Variants in EVPL observed in about 807,000 individuals in gnomAD.
The protein encoded by EVPL is envoplakin.
Under a neutral mutation model 129.7 loss-of-function variants are expected in EVPL, and 94 were observed. The observed-to-expected ratio is 0.72, with a 90% CI of 0.61 to 0.86. EVPL has a LOEUF of 0.86. Among genes scored for constraint, EVPL ranks in the 40% least tolerant of loss-of-function variants. EVPL has a pLI of 0.00. For missense variants in EVPL, 2,625 were observed against 2,721.1 expected, an observed-to-expected ratio of 0.96 and a Z score of 0.79; for synonymous variants, 1,172 against 1,191.1, an observed-to-expected ratio of 0.98 and a Z score of 0.33.
intron 18 of EVPL, chr17:76,012,353 T>C: frequency 2.5e-6 from 1 of 399,272 alleles, no homozygotes; most frequent in Non-Finnish European, 4.5e-6. Flanking sequence ...GTCACCCAGG[T>C]TGGAGTGCGT....
chr17:76,012,284 G>T, intron 18 of EVPL, 195 bp from the exon 19 acceptor site: 1 of 539,872 alleles, frequency 1.9e-6, no homozygotes, highest in Non-Finnish European at 3.3e-6. Context: ...CCTCTCCGAG[G>T]CACCTTGGCA....
At chr17:76,026,035 G>A (rs1390865736) in intron 1 of EVPL, among the ~76,000 whole-genome samples, 2 of 152,174 alleles carry the variant, frequency 1.3e-5, no homozygotes, top group Admixed American at 1.3e-4. Context: ...TCGACTTCCC[G>A]GGCTCAAGTG....
rs2144417211 is a variant in EVPL at position 76,015,295 on chromosome 17, T to A, written c.1960A>T (p.Thr654Ser). ...ADRVIRGFEA[T>S]LVQEAPIPAE... ...GGGATGGGGGCCTCCTGCACCAGGG[T>A]GGCCTCGAAGCCTCGGATGACCCTG... The change falls in exon 16 of 22, where the codon ACC (threonine) becomes TCC (serine). Residue 654 changes from threonine to serine, a missense_variant. By Grantham distance (58) the Thr-to-Ser change is moderately conservative. This residue lies in a region of EVPL where 1,024 missense variants were observed against 997.5 expected (regional missense o/e 1.03). Transcript: ENST00000301607. 4 of 1,602,314 alleles carry A rather than the reference T, an allele frequency of 2.5e-6. No homozygotes were observed. The highest frequency in any genetic ancestry group is 4.5e-5 in the East Asian group (2 of 44,666).
Position 76,024,888 on chromosome 17 carries a change from A to G in EVPL, c.99-768T>C, listed in dbSNP as rs2066488459. On this transcript the variant is annotated intron_variant, in intron 1 of 21. Coordinates refer to ENST00000301607, the MANE Select transcript of EVPL (RefSeq NM_001988.4). This position sits in a 1 kb window ranked among gnomAD's most constrained non-coding sequence, Gnocchi z 4.5. The stretch of plus-strand genomic sequence containing the variant: ...ATGCACTCACTGTGCGGAGGTCACA[A>G]GGTCAAGCAGACCTAAAAGAGGGCA... Among the ~76,000 whole-genome samples, 1 of 152,176 alleles carries G rather than the reference A, an allele frequency of 6.6e-6. No individual in the cohort carries two copies. Among genetic ancestry groups the G allele is most frequent in the Non-Finnish European group, 1.5e-5 (1 of 68,020 alleles).
At position 76,018,375 on chromosome 17, in the gene EVPL, T is replaced by C. The variant is rs531530306; in HGVS notation, c.1439+71A>G. On this transcript the variant is annotated intron_variant, in intron 12 of 21. Coordinates refer to ENST00000301607, the MANE Select transcript of EVPL (RefSeq NM_001988.4). ...CTTTGAGCAGGGGTCTGTTGGGCCA[T>C]GGGCTTGGACACCGCAGGGCCGGCC... 1.4e-5 allele frequency: 21 copies of C among 1,540,034 alleles called. No individual in the cohort carries two copies. The East Asian group carries it at 2.9e-4, about 21-fold the overall frequency.
chr17:76,014,618 C>G, intron 17 of EVPL, 42 bp from the exon 18 acceptor site: 5 of 1,594,794 alleles, frequency 3.1e-6, no homozygotes, highest in Non-Finnish European at 4.3e-6. Context: ...AGACCTGCCC[C>G]GTGGGGACAG....
Position 76,009,520 on chromosome 17 carries a change from T to G in EVPL, c.3685A>C (p.Lys1229Gln). The G allele has an allele frequency of 6.2e-7, 1 of 1,613,884 alleles. No individual in the cohort carries two copies. The highest frequency in any genetic ancestry group is 8.5e-7 in the Non-Finnish European group (1 of 1,179,982). The change falls in exon 22 of 22, where the codon AAG becomes CAG. Residue 1229 changes from lysine to glutamine, a missense_variant. Lys to Gln is a moderately conservative substitution (Grantham distance 53). This residue lies in a region of EVPL where 1,453 missense variants were observed against 1,511.8 expected (regional missense o/e 0.96). Transcript: ENST00000301607. This position sits in a 1 kb window ranked among gnomAD's most constrained non-coding sequence, Gnocchi z 5.9. Reference sequence around the variant, plus strand: ...TCGGGCAGCAGCTTCTCCACCTCCTTCTCCACACCGCTCCTCTTGCCCGCC... The same window carrying G: ...TCGGGCAGCAGCTTCTCCACCTCCTGCTCCACACCGCTCCTCTTGCCCGCC... The part of the protein sequence containing the change: ...EMAGKRSGVE[K>Q]EVEKLLPDLE...
intron 21 of EVPL, 110 bp downstream of exon 21, chr17:76,011,464 GGA>G: frequency 1.1e-6 from 1 of 951,314 alleles, no homozygotes; most frequent in Non-Finnish European, 1.7e-6. Context: ...CAGGCAGGAG[GGA>G]GAGGAGGGAA....
rs1300851593 is a variant in EVPL at position 76,023,554 on chromosome 17, T to C, written c.299A>G (p.Asp100Gly). ...CTTGAGCCGCCGGGCCTTGTCCACG[T>C]CCAGGAAGAGGTCCTTGAGCAGCAC... ...AEVLLKDLFL[D>G]VDKARRLKHP... Residue 100 changes from aspartate (D) to glycine (G), a missense_variant, in exon 3 of 22, where the codon GAC becomes GGC. By Grantham distance (94) the Asp-to-Gly change is moderately conservative (BLOSUM62 -1). Coordinates refer to ENST00000301607, the MANE Select transcript of EVPL (RefSeq NM_001988.4). The C allele has an allele frequency of 1.2e-6, 2 of 1,613,188 alleles. No homozygotes were observed. Among genetic ancestry groups the C allele is most frequent in the Non-Finnish European group, 1.7e-6 (2 of 1,179,962 alleles).
intron 12 of EVPL, 60 bp from the exon 13 acceptor site, chr17:76,018,318 C>T (rs1285846980): frequency 2.0e-6 from 3 of 1,516,854 alleles, no homozygotes; most frequent in African/African-American, 2.8e-5. Flanking sequence ...CCTCCCCAGC[C>T]CCAGTAGACG....
chr17:76,025,244 C>T (rs1292394280), intron 1 of EVPL, among the ~76,000 whole-genome samples: 1 of 152,220 alleles, frequency 6.6e-6, no homozygotes, highest in African/African-American at 2.4e-5. Context: ...CCAGTGCAGG[C>T]CTGGTGCAGG....
At position 76,022,157 on chromosome 17, in the gene EVPL, A is replaced by G. The variant is rs773573598; in HGVS notation, c.645+32T>C. ...CGGGCGGCCACCCAGGCCCACCCGC[A>G]GCCTCCCTGCCCGACCCTCCCTCCT... On this transcript the variant is annotated intron_variant, in intron 6 of 21. Coordinates refer to ENST00000301607, the MANE Select transcript of EVPL (RefSeq NM_001988.4). The surrounding 1 kb of genome is among the most constrained non-coding windows in gnomAD (Gnocchi z 5.6). 6.2e-7 allele frequency: 1 copy of G among 1,610,224 alleles called. No individual in the cohort carries two copies. Among genetic ancestry groups the G allele is most frequent in the Non-Finnish European group, 8.5e-7 (1 of 1,179,018 alleles).
In EVPL at chr17:76,010,451, C is replaced by A. The variant is rs372570634; in HGVS notation, c.2754G>T (p.Lys918Asn). 6.2e-7 allele frequency: 1 copy of A among 1,613,968 alleles called. No individual in the cohort carries two copies. The highest frequency in any genetic ancestry group is 1.3e-5 in the African/African-American group (1 of 74,898). ...AQAGRESEAL[K>N]AQLEEERKRV... ...GCTTCCTCTCCTCTTCCAGCTGGGC[C>A]TTCAGGGCCTCTGACTCTCTCCCTG... Residue 918 changes from lysine (K) to asparagine (N), a missense_variant, in exon 22 of 22, where the codon AAG (lysine) becomes AAT (asparagine). Around this residue, in one of 4 missense-constraint regions of EVPL, gnomAD observed 1,453 missense variants for 1,511.8 expected, o/e 0.96. Transcript: ENST00000301607.
At position 76,007,975 on chromosome 17, in the gene EVPL, C is replaced by A; in HGVS notation, c.5230G>T (p.Gly1744Trp). 3 of 1,614,080 alleles carry A rather than the reference C, an allele frequency of 1.9e-6. No homozygotes were observed. The highest frequency in any genetic ancestry group is 1.3e-5 in the African/African-American group (1 of 75,038). ...GCGGCCTCGATGGAGTACTGCTTCC[C>A]GCTCTTGCGGTCCAGGAGCACAGAC... ...EESVLLDRKS[G>W]KQYSIEAALR... The change falls in exon 22 of 22, where the codon GGG (glycine) becomes TGG (tryptophan). Residue 1744 changes from glycine (G) to tryptophan (W), a missense_variant. Around this residue, in one of 4 missense-constraint regions of EVPL, gnomAD observed 1,453 missense variants for 1,511.8 expected, o/e 0.96. Coordinates refer to ENST00000301607, the MANE Select transcript of EVPL (RefSeq NM_001988.4). This position sits in a 1 kb window ranked among gnomAD's most constrained non-coding sequence, Gnocchi z 8.8.
chr17:76,021,598 C>CCG, intron 8 of EVPL, 35 bp from the exon 9 acceptor site: 2 of 1,464,718 alleles, frequency 1.4e-6, no homozygotes, highest in Non-Finnish European at 1.8e-6. Context: ...CGGACCACGC[C>CCG]CCCCCCACGT....
chr17:76,023,793 G>A, intron 2 of EVPL, 139 bp from the exon 3 acceptor site: 1 of 1,395,268 alleles, frequency 7.2e-7, no homozygotes, highest in Non-Finnish European at 9.5e-7. Context: ...CACAGGGTCA[G>A]GACCAGGGCG....
At chr17:76,018,036 G>T in intron 13 of EVPL, 125 bp from the exon 14 acceptor site, 1 of 1,532,836 alleles carries the variant, frequency 6.5e-7, no homozygotes, top group Non-Finnish European at 8.8e-7. Context: ...GGCCACCCCA[G>T]AGATGAAATC....
intron 13 of EVPL, 89 bp from the exon 14 acceptor site, chr17:76,018,000 C>T (rs1329618939): frequency 7.6e-6 from 12 of 1,576,686 alleles, no homozygotes; most frequent in African/African-American, 5.4e-5. Flanking sequence ...AGGGTCCTGT[C>T]GGGGTAGGGT....
In EVPL at chr17:76,018,968, G is replaced by A. The variant is rs1276536665; in HGVS notation, c.1230C>T (p.Asn410=). The A allele has an allele frequency of 4.5e-6, 7 of 1,565,492 alleles. No individual in the cohort carries two copies. The highest frequency in any genetic ancestry group is 6.0e-6 in the Non-Finnish European group (7 of 1,160,218). The change falls in exon 11 of 22, where the codon AAC becomes AAT. Residue 410 remains asparagine (N), a synonymous_variant. Transcript: ENST00000301607. ...RDVAPLPQRR[N]PPQQPLHVDS... ...CCACGTGCAGGGGCTGCTGAGGGGG[G>A]TTTCTTCGCTGTGGCAGAGGGGCCA... is the stretch of plus-strand genomic sequence containing the variant.
Sources: allele counts gnomAD v4.1 joint callset (sites outside exome capture counted in the v4.1 genomes callset), GRCh38; gene constraint gnomAD v4.1.1; regional missense constraint gnomAD v4.1.1; non-coding constraint Gnocchi (gnomAD v3.1); transcripts MANE v1.5; gene names NCBI Gene and HGNC (gene_info 2026-07-23, HGNC 2026-07-21).